Variants in REPS2 observed in about 807,000 individuals in gnomAD.
REPS2 encodes RALBP1 associated Eps domain containing 2.
REPS2 carries 23 observed loss-of-function variants against 53.6 expected under a neutral mutation model. That is an observed-to-expected ratio of 0.43 (90% CI 0.31 to 0.61). The LOEUF (loss-of-function observed/expected upper bound fraction) is 0.61. REPS2 is among the 20% of genes least tolerant of loss of function. The pLI is 0.11. For missense variants in REPS2, 446 were observed against 534.9 expected, an observed-to-expected ratio of 0.83 and a Z score of 1.64; for synonymous variants, 238 against 218.6, an observed-to-expected ratio of 1.09 and a Z score of -0.78.
chrX:16,968,969 C>T (rs764039590), intron 1 of REPS2, among the ~76,000 whole-genome samples: 14 of 109,224 alleles, frequency 1.3e-4, no homozygotes, highest in African/African-American at 4.0e-4. Context: ...ACTTCTCAGA[C>T]GGGGCGGCTG....
chrX:17,166,800 T>C, the REPS2 span, among the ~76,000 whole-genome samples: 4 of 111,955 alleles, frequency 3.6e-5, no homozygotes, highest in African/African-American at 1.3e-4. Flanking sequence ...TGTTATCTTC[T>C]TTAACTCTCA....
chrX:17,010,709 C>T (rs373438276), intron 2 of REPS2, among the ~76,000 whole-genome samples: 40 of 111,283 alleles, frequency 3.6e-4, no homozygotes, highest in African/African-American at 1.1e-3. Flanking sequence ...TGCATGTCTA[C>T]GCATGAGGAG....
At chrX:17,098,297 G>C (rs2062736106) in intron 13 of REPS2, among the ~76,000 whole-genome samples, 1 of 111,976 alleles carries the variant, frequency 8.9e-6, no homozygotes, top group Non-Finnish European at 1.9e-5. Flanking sequence ...AATGGCTAGA[G>C]TTACAGCTCT....
chrX:17,063,923 T>TACACACACAC (rs3842475), intron 9 of REPS2, among the ~76,000 whole-genome samples: 57 of 100,341 alleles, frequency 5.7e-4, no homozygotes, highest in East Asian at 2.3e-3. Context: ...GTTTTACTGT[T>TACACACACAC]ACACACACAC....
At chrX:16,961,954 C>A (rs1318477000) in intron 1 of REPS2, among the ~76,000 whole-genome samples, 2 of 111,705 alleles carry the variant, frequency 1.8e-5, no homozygotes, top group Non-Finnish European at 3.8e-5. Context: ...TCAGCTCACA[C>A]CTTTTAGAAT....
the REPS2 span, among the ~76,000 whole-genome samples, chrX:17,162,589 T>C: frequency 8.9e-6 from 1 of 112,612 alleles, no homozygotes; most frequent in Non-Finnish European, 1.9e-5. Context: ...AGTTCTAAAC[T>C]AGTTCTGTAA....
At chrX:17,188,063 C>G in the REPS2 span, among the ~76,000 whole-genome samples, 1 of 111,931 alleles carries the variant, frequency 8.9e-6, no homozygotes, top group Non-Finnish European at 1.9e-5. Flanking sequence ...TACTTCCCAG[C>G]TGCAATGTCA....
rs770728798 is a variant in REPS2 at position 17,021,112 on chromosome X, T to G, written c.398-1011T>G. Among the ~76,000 whole-genome samples, 12 of 112,137 alleles carry G rather than the reference T, an allele frequency of 1.1e-4. No individual in the cohort carries two copies. In the East Asian group the frequency reaches 2.8e-3, roughly 26 times the overall value. On this transcript the variant is annotated intron_variant, in intron 2 of 17. Transcript: ENST00000357277. ...TGAAAGTGCAGCTGTGTTTTTGGAATAGAGAGCTGATGGAAGTGCAAAGGC... is the reference window on the plus strand; with the variant it reads ...TGAAAGTGCAGCTGTGTTTTTGGAAGAGAGAGCTGATGGAAGTGCAAAGGC...
intron 14 of REPS2, among the ~76,000 whole-genome samples, chrX:17,113,700 A>G (rs140341170): frequency 3.6e-5 from 4 of 111,406 alleles, no homozygotes; most frequent in Admixed American, 9.6e-5. Flanking sequence ...AAATGGCCAT[A>G]GTGATAAGTG....
the REPS2 span, among the ~76,000 whole-genome samples, chrX:17,160,489 C>T: frequency 8.0e-5 from 9 of 112,573 alleles, no homozygotes; most frequent in South Asian, 7.4e-4. Context: ...GCTTTCATTC[C>T]GTGACATCCA....
chrX:17,145,984 CTG>C (rs1293050966), intron 17 of REPS2, among the ~76,000 whole-genome samples: 1 of 108,939 alleles, frequency 9.2e-6, no homozygotes. Context: ...TGGCGGGCGC[CTG>C]TAGTCCCAGC....
chrX:17,134,476 T>C lies in REPS2; in HGVS notation c.1662+569T>C, dbSNP rs756575699. On this transcript the variant is annotated intron_variant, in intron 15 of 17. Coordinates refer to ENST00000357277, the MANE Select transcript of REPS2 (RefSeq NM_004726.3). ...CTTGGGCTCAGGAGCACAGGTGAGG[T>C]AGAGTCCTCCAAAGAAGCAGACCAA... Among the ~76,000 whole-genome samples, 9 of 111,514 alleles carry C rather than the reference T, an allele frequency of 8.1e-5. No individual in the cohort carries two copies. In the East Asian group the frequency reaches 2.0e-3, roughly 25 times the overall value.
At chrX:16,983,942 A>G (rs1001526399) in intron 1 of REPS2, among the ~76,000 whole-genome samples, 1 of 112,973 alleles carries the variant, frequency 8.9e-6, no homozygotes, top group African/African-American at 3.2e-5. Context: ...CCACACTGCT[A>G]TACTACCTCT....
At chrX:17,188,577 C>G in the REPS2 span, among the ~76,000 whole-genome samples, 1 of 112,120 alleles carries the variant, frequency 8.9e-6, no homozygotes. Context: ...CCAGCCCTGG[C>G]TAGCTCTGGA....
At chrX:17,157,514 C>T (rs766235808), downstream of REPS2, among the ~76,000 whole-genome samples, 4 of 112,116 alleles carry the variant, frequency 3.6e-5, no homozygotes, top group Non-Finnish European at 5.6e-5. Flanking sequence ...CAGTGTCTGG[C>T]AATGTCTGCA....
intron 2 of REPS2, among the ~76,000 whole-genome samples, chrX:17,007,416 G>A (rs1341976331): frequency 8.9e-6 from 1 of 112,165 alleles, no homozygotes; most frequent in Non-Finnish European, 1.9e-5. Flanking sequence ...GATAAGCTGC[G>A]ATAACAAATG....
intron 4 of REPS2, among the ~76,000 whole-genome samples, chrX:17,028,532 G>A (rs778449804): frequency 8.9e-6 from 1 of 112,093 alleles, no homozygotes; most frequent in African/African-American, 3.2e-5. Context: ...CTATTTTAAT[G>A]TGTGTTAATG....
chrX:17,004,675 C>T (rs1035456543), intron 1 of REPS2, among the ~76,000 whole-genome samples: 3 of 111,191 alleles, frequency 2.7e-5, no homozygotes, highest in Non-Finnish European at 5.7e-5. Flanking sequence ...TTACTAATGT[C>T]AGATTAAGGT....
chrX:17,118,424 G>A (rs1163990673), intron 14 of REPS2, among the ~76,000 whole-genome samples: 3 of 110,690 alleles, frequency 2.7e-5, no homozygotes, highest in Non-Finnish European at 5.7e-5. Context: ...GCTTCTGAGT[G>A]GGACTGAGTC....
Sources: allele counts gnomAD v4.1 joint callset (sites outside exome capture counted in the v4.1 genomes callset), GRCh38; gene constraint gnomAD v4.1.1; transcripts MANE v1.5; gene names NCBI Gene and HGNC (gene_info 2026-07-23, HGNC 2026-07-21).